The following GALNTL6 variants were observed in gnomAD, a reference collection of about 807,000 sequenced individuals.
GALNTL6 encodes polypeptide N-acetylgalactosaminyltransferase like 6.
Under a neutral mutation model 73.7 loss-of-function variants are expected in GALNTL6, and 46 were observed. The ratio of observed to expected loss-of-function variants is 0.62; its 90% CI spans 0.49 to 0.80. The LOEUF (loss-of-function observed/expected upper bound fraction) is 0.80, where lower values mean the gene tolerates loss of function less well. Among genes scored for constraint, GALNTL6 ranks in the 30% least tolerant of loss-of-function variants. The pLI, the probability that GALNTL6 is intolerant of heterozygous loss-of-function variation, is 0.00. For missense variants in GALNTL6, 604 were observed against 755.0 expected, an observed-to-expected ratio of 0.80 and a Z score of 2.34; for synonymous variants, 259 against 263.7, an observed-to-expected ratio of 0.98 and a Z score of 0.17.
intron 2 of GALNTL6, among the ~76,000 whole-genome samples, chr4:172,053,990 A>G (rs753434916): frequency 8.5e-5 from 13 of 152,128 alleles, no homozygotes; most frequent in Non-Finnish European, 1.3e-4. Flanking sequence ...TCCAAAATTA[A>G]TAAGAATATT....
At chr4:172,346,239 G>A (rs1741734753) in intron 4 of GALNTL6, among the ~76,000 whole-genome samples, 1 of 152,200 alleles carries the variant, frequency 6.6e-6, no homozygotes, top group African/African-American at 2.4e-5. Context: ...ACAGATAGAT[G>A]TGTATATGAT....
chr4:172,434,725 A>G (rs1731573407), intron 5 of GALNTL6, among the ~76,000 whole-genome samples: 1 of 152,140 alleles, frequency 6.6e-6, no homozygotes, highest in Non-Finnish European at 1.5e-5. Context: ...ACAAAGAAAA[A>G]AAATGGCTTA....
intron 9 of GALNTL6, among the ~76,000 whole-genome samples, chr4:172,936,369 C>A (rs1748618981): frequency 6.6e-6 from 1 of 152,148 alleles, no homozygotes; most frequent in Admixed American, 6.5e-5. Context: ...AAAACCAGCA[C>A]AAGACAAGGA....
chr4:172,394,218 T>G (rs1331385133), intron 5 of GALNTL6, among the ~76,000 whole-genome samples: 1 of 152,056 alleles, frequency 6.6e-6, no homozygotes, highest in Non-Finnish European at 1.5e-5. Context: ...ACATTAAACT[T>G]TCTGTTGCTG....
intron 2 of GALNTL6, among the ~76,000 whole-genome samples, chr4:171,889,455 C>T (rs1309250445): frequency 6.6e-6 from 1 of 151,848 alleles, no homozygotes; most frequent in Non-Finnish European, 1.5e-5. Flanking sequence ...TAGCAAAGAA[C>T]CTGAAAGGTT....
At chr4:172,071,919 T>C (rs962600705) in intron 2 of GALNTL6, among the ~76,000 whole-genome samples, 1 of 152,216 alleles carries the variant, frequency 6.6e-6, no homozygotes, top group Admixed American at 6.5e-5. Context: ...TTGCTTGGGC[T>C]TAGGAAAGTT....
chr4:171,917,279 C>G (rs1406674819), intron 2 of GALNTL6, among the ~76,000 whole-genome samples: 1 of 150,316 alleles, frequency 6.7e-6, no homozygotes, highest in Non-Finnish European at 1.5e-5. Flanking sequence ...AGAAGCAAAC[C>G]AAACAAAAAA....
At chr4:172,806,967 C>T (rs1740997378) in intron 5 of GALNTL6, among the ~76,000 whole-genome samples, 1 of 152,184 alleles carries the variant, frequency 6.6e-6, no homozygotes, top group South Asian at 2.1e-4. Flanking sequence ...ATCCTGACAG[C>T]ATGTGGCCCT....
chr4:171,902,138 C>G (rs1408232705), intron 2 of GALNTL6, among the ~76,000 whole-genome samples: 1 of 152,116 alleles, frequency 6.6e-6, no homozygotes, highest in Non-Finnish European at 1.5e-5. Context: ...CCTGACAGCT[C>G]TTGGCTGGAG....
At chr4:171,905,133 CA>C (rs1737234613) in intron 2 of GALNTL6, among the ~76,000 whole-genome samples, 1 of 152,070 alleles carries the variant, frequency 6.6e-6, no homozygotes, top group Non-Finnish European at 1.5e-5. Context: ...GGATCAAATT[CA>C]CACATAACTA....
At chr4:172,028,977 T>C (rs1741680186) in intron 2 of GALNTL6, among the ~76,000 whole-genome samples, 1 of 152,050 alleles carries the variant, frequency 6.6e-6, no homozygotes, top group Non-Finnish European at 1.5e-5. Context: ...GTCTAAGAAA[T>C]GTCTTTTTCT....
rs188813955 is a variant in GALNTL6 at position 172,450,417 on chromosome 4, A to C, written c.553+101728A>C. Among the ~76,000 whole-genome samples, 1,347 of 152,218 alleles carry C rather than the reference A, an allele frequency of 8.8e-3. 12 individuals are homozygous for C. The highest frequency in any genetic ancestry group is 0.025 in the South Asian group (123 of 4,824). On this transcript the variant is annotated intron_variant, in intron 5 of 12. Transcript: ENST00000506823. ...TTCATTTGCCATCATCTCCACTAACATGATCCTTGCACAGGCTATTGTCAT... is the reference window on the plus strand; with the variant it reads ...TTCATTTGCCATCATCTCCACTAACCTGATCCTTGCACAGGCTATTGTCAT...
chr4:171,843,767 T>G (rs1408919275), intron 2 of GALNTL6, among the ~76,000 whole-genome samples: 2 of 152,166 alleles, frequency 1.3e-5, no homozygotes, highest in Non-Finnish European at 2.9e-5. Flanking sequence ...TCTACATAGT[T>G]TTAGACATTC....
chr4:172,455,786 A>T (rs1321103684), intron 5 of GALNTL6, among the ~76,000 whole-genome samples: 1 of 152,158 alleles, frequency 6.6e-6, no homozygotes, highest in Non-Finnish European at 1.5e-5. Flanking sequence ...GCAGACTTAA[A>T]AGTTCCCGCC....
At chr4:172,005,188 G>C (rs149051754) in intron 2 of GALNTL6, among the ~76,000 whole-genome samples, 1 of 151,772 alleles carries the variant, frequency 6.6e-6, no homozygotes, top group Non-Finnish European at 1.5e-5. Flanking sequence ...GCAATGGCGC[G>C]ATCTTGGCTC....
At chr4:172,643,634 C>G (rs1740091667) in intron 5 of GALNTL6, among the ~76,000 whole-genome samples, 1 of 151,950 alleles carries the variant, frequency 6.6e-6, no homozygotes, top group Non-Finnish European at 1.5e-5. Flanking sequence ...TTAGTTTTGT[C>G]TGGGTTTCAA....
intron 2 of GALNTL6, among the ~76,000 whole-genome samples, chr4:172,164,463 C>T (rs74980037): frequency 0.018 from 2,719 of 151,928 alleles, 32 homozygotes; most frequent in Middle Eastern, 0.037. Context: ...TAAAAACCAT[C>T]TGAAATTGAA....
chr4:172,678,285 T>C (rs934760443), intron 5 of GALNTL6, among the ~76,000 whole-genome samples: 4 of 148,822 alleles, frequency 2.7e-5, no homozygotes, highest in Non-Finnish European at 6.0e-5. Flanking sequence ...CTGAGAAAAA[T>C]AAATTCTCTT....
At chr4:171,843,794 A>G (rs1735303460) in intron 2 of GALNTL6, among the ~76,000 whole-genome samples, 1 of 152,204 alleles carries the variant, frequency 6.6e-6, no homozygotes, top group East Asian at 1.9e-4. Context: ...CATGCTATAA[A>G]TAAAGATGTC....
Sources: gnomAD v4.1 joint callset for allele counts (sites outside exome capture counted in the v4.1 genomes callset) on GRCh38, gnomAD v4.1.1 for gene constraint, MANE v1.5 for transcripts, NCBI Gene and HGNC (gene_info 2026-07-23, HGNC 2026-07-21) for gene names.